The following DPF3 variants were observed in gnomAD, a reference collection of about 807,000 sequenced individuals.
DPF3 encodes zinc finger protein DPF3.
A neutral mutation model predicts 56.8 loss-of-function variants in DPF3; 18 were observed. The ratio of observed to expected loss-of-function variants is 0.32; its 90% CI spans 0.22 to 0.47. DPF3 has a LOEUF of 0.47. DPF3 is among the 20% of genes least tolerant of loss of function. The pLI, the probability that DPF3 is intolerant of heterozygous loss-of-function variation, is 1.00. For synonymous variants in DPF3, 188 were observed against 180.2 expected, an observed-to-expected ratio of 1.04 and a Z score of -0.35; for missense variants, 403 against 488.8, an observed-to-expected ratio of 0.82 and a Z score of 1.65.
chr14:72,748,231 G>C (rs1036926772), intron 3 of DPF3, among the ~76,000 whole-genome samples: 2 of 152,204 alleles, frequency 1.3e-5, no homozygotes, highest in African/African-American at 4.8e-5. Context: ...TGAAAAATTT[G>C]TTGGGAACTA....
chr14:72,739,871 C>T (rs1890056657), intron 3 of DPF3, among the ~76,000 whole-genome samples: 1 of 152,176 alleles, frequency 6.6e-6, no homozygotes, highest in African/African-American at 2.4e-5. Context: ...ACAAAAATCC[C>T]GGCCCTCATA....
At position 72,609,729 on chromosome 14, in the gene DPF3, T is replaced by G. The variant is rs1883614847; in HGVS notation, c.*9568A>C. The stretch of plus-strand genomic sequence containing the variant: ...AGCTAACGGGGTGGGAGGTGGGAGC[T>G]TTTTGTTTGTCTGTTGCTGTCGTTG... On this transcript the variant is annotated 3_prime_UTR_variant, in exon 11 of 11. Coordinates refer to ENST00000556509, the MANE Select transcript of DPF3 (RefSeq NM_001280542.3). 6.6e-6 allele frequency among the ~76,000 whole-genome samples: 1 copy of G among 152,048 alleles called. No homozygotes were observed. Among genetic ancestry groups the G allele is most frequent in the South Asian group, 2.1e-4 (1 of 4,820 alleles).
rs151086897 is a variant in DPF3 at position 72,620,400 on chromosome 14, C to T, written c.985-416G>A. Among the ~76,000 whole-genome samples, 52 of 152,354 alleles carry T rather than the reference C, an allele frequency of 3.4e-4. 2 individuals are homozygous for T. In the East Asian group the frequency reaches 9.6e-3, roughly 28 times the overall value. ...TAATTGAATTCTTCTGGACTCCACTCTCTCCATCTGTGAAATGGCCAACAG... is the reference window on the plus strand; with the variant it reads ...TAATTGAATTCTTCTGGACTCCACTTTCTCCATCTGTGAAATGGCCAACAG... On this transcript the variant is annotated intron_variant, in intron 9 of 10. Transcript: ENST00000556509.
At chr14:72,845,096 C>A (rs1471315124) in intron 1 of DPF3, among the ~76,000 whole-genome samples, 1 of 152,154 alleles carries the variant, frequency 6.6e-6, no homozygotes, top group Non-Finnish European at 1.5e-5. Flanking sequence ...CAGAGAAAGA[C>A]CTTGTCTCTA....
chr14:72,733,176 G>C (rs1281554722), intron 3 of DPF3, among the ~76,000 whole-genome samples: 1 of 152,080 alleles, frequency 6.6e-6, no homozygotes, highest in Non-Finnish European at 1.5e-5. Context: ...CCTCTCCTCT[G>C]ATCCTGGACC....
intron 6 of DPF3, among the ~76,000 whole-genome samples, chr14:72,702,024 A>G: frequency 6.6e-6 from 1 of 152,226 alleles, no homozygotes; most frequent in Admixed American, 6.5e-5. Context: ...GGAGGCAAGG[A>G]TCCCCATTCC....
At chr14:72,621,162 T>A (rs1884417976) in intron 9 of DPF3, among the ~76,000 whole-genome samples, 1 of 150,654 alleles carries the variant, frequency 6.6e-6, no homozygotes, top group African/African-American at 2.4e-5. Context: ...AAAAAAGACA[T>A]CTACATGTTT....
chr14:72,661,661 C>T lies in DPF3; in HGVS notation c.871+12579G>A, dbSNP rs114022516. On this transcript the variant is annotated intron_variant, in intron 8 of 10. Transcript: ENST00000556509. ...GAAAGGGCCATGTTAGAACACCCGC[C>T]GTCTTCCTTGGCTCCCACCAGCAAC... The T allele has an allele frequency of 1.2e-3, 1,157 of 985,388 alleles. 12 individuals are homozygous for T. In the African/African-American group the frequency reaches 0.019, roughly 16 times the overall value. 61.0% of individuals were successfully genotyped at this position (985,388 alleles called of 1,614,324 possible).
At chr14:72,859,825 G>A (rs983960754) in intron 1 of DPF3, among the ~76,000 whole-genome samples, 1 of 152,026 alleles carries the variant, frequency 6.6e-6, no homozygotes, top group Non-Finnish European at 1.5e-5. Context: ...CCAGATTTAG[G>A]GCCAGGGGTA....
chr14:72,639,283 G>C (rs1193209556), intron 8 of DPF3, among the ~76,000 whole-genome samples: 3 of 152,188 alleles, frequency 2.0e-5, no homozygotes, highest in Non-Finnish European at 4.4e-5. Flanking sequence ...GAGGAATGAG[G>C]CATGACTCCT....
In DPF3 at chr14:72,615,498, A is replaced by C. The variant is rs1884039433; in HGVS notation, c.*3799T>G. 6.6e-6 allele frequency among the ~76,000 whole-genome samples: 1 copy of C among 152,232 alleles called. No homozygotes were observed. On this transcript the variant is annotated 3_prime_UTR_variant, in exon 11 of 11. Transcript: ENST00000556509. ...ATACAAAAATGCACCAGGAGTGTGC[A>C]ACCCTCCAGGGTATCATGAAACCAT...
chr14:72,674,202 G>A (rs201908784), intron 8 of DPF3, 38 bp downstream of exon 8: 16 of 1,598,058 alleles, frequency 1.0e-5, no homozygotes, highest in Non-Finnish European at 1.4e-5. Flanking sequence ...AGCATTCCTG[G>A]TCTACGGGCA....
At chr14:72,792,148 C>T (rs1699163638) in intron 1 of DPF3, among the ~76,000 whole-genome samples, 1 of 151,430 alleles carries the variant, frequency 6.6e-6, no homozygotes, top group African/African-American at 2.4e-5. Context: ...GGAGCCATCA[C>T]TCGTCCTTGG....
At chr14:72,807,414 A>G (rs567631632) in intron 1 of DPF3, among the ~76,000 whole-genome samples, 202 of 152,322 alleles carry the variant, frequency 1.3e-3, no homozygotes, top group African/African-American at 4.7e-3. Context: ...ACTATTATTG[A>G]CAGGTTAAAG....
At chr14:72,855,660 G>A (rs2140089955) in intron 1 of DPF3, among the ~76,000 whole-genome samples, 1 of 152,094 alleles carries the variant, frequency 6.6e-6, no homozygotes, top group Non-Finnish European at 1.5e-5. Flanking sequence ...TAGTTTTATA[G>A]GGAGCCTTTT....
At chr14:72,885,969 C>T (rs1886528997) in intron 1 of DPF3, among the ~76,000 whole-genome samples, 1 of 152,184 alleles carries the variant, frequency 6.6e-6, no homozygotes, top group Non-Finnish European at 1.5e-5. Flanking sequence ...TATGTTTCCC[C>T]TGATATGGGG....
At chr14:72,808,686 G>C (rs555919954) in intron 1 of DPF3, among the ~76,000 whole-genome samples, 1 of 152,326 alleles carries the variant, frequency 6.6e-6, no homozygotes, top group East Asian at 1.9e-4. Context: ...ATTCTGGGAG[G>C]AGAAAAACCA....
rs191800792 is a variant in DPF3, at chr14:72,614,368, G to A, written c.*4929C>T. On this transcript the variant is annotated 3_prime_UTR_variant, in exon 11 of 11. Transcript: ENST00000556509. ...CTGGTATCCAAAAGCATACTTTGGGGATGGGAGTAAGATTTCAAAACGGGC... is the reference window on the plus strand; with the variant it reads ...CTGGTATCCAAAAGCATACTTTGGGAATGGGAGTAAGATTTCAAAACGGGC... Among the ~76,000 whole-genome samples, 158 of 152,326 alleles carry A rather than the reference G, an allele frequency of 1.0e-3. 1 individual carries two copies. The highest frequency in any genetic ancestry group is 1.7e-3 in the Non-Finnish European group (115 of 68,030).
intron 1 of DPF3, among the ~76,000 whole-genome samples, chr14:72,863,114 A>G (rs1490121781): frequency 8.6e-6 from 1 of 116,172 alleles, no homozygotes; most frequent in Admixed American, 9.9e-5. Context: ...GTGTGTATAC[A>G]TATATGTGTG....
Sources: allele counts gnomAD v4.1 joint callset (sites outside exome capture counted in the v4.1 genomes callset), GRCh38; gene constraint gnomAD v4.1.1; transcripts MANE v1.5; gene names NCBI Gene and HGNC (gene_info 2026-07-23, HGNC 2026-07-21).